The following DOCK3 variants were observed in gnomAD, a reference collection of about 807,000 sequenced individuals.
DOCK3 encodes the protein dedicator of cytokinesis 3.
In DOCK3, 60 loss-of-function variants were observed where a neutral mutation model predicts 265.6. The ratio of observed to expected loss-of-function variants is 0.23; its 90% CI spans 0.18 to 0.28. The LOEUF is 0.28. Ranked by LOEUF, DOCK3 falls within the 10% of genes least tolerant of loss-of-function variation. The pLI is 1.00. For missense variants in DOCK3, 1,981 were observed against 2,594.3 expected (o/e 0.76, Z 5.14); for synonymous variants, 881 against 938.0 (o/e 0.94, Z 1.11).
intron 3 of DOCK3, among the ~76,000 whole-genome samples, chr3:50,873,872 C>G (rs574866225): frequency 6.6e-6 from 1 of 152,180 alleles, no homozygotes; most frequent in African/African-American, 2.4e-5. Flanking sequence ...GTTTCTCCCC[C>G]AGCATACAGA....
chr3:51,368,097 G>A (rs2087381106), intron 49 of DOCK3, among the ~76,000 whole-genome samples: 1 of 152,112 alleles, frequency 6.6e-6, no homozygotes, highest in South Asian at 2.1e-4. Context: ...TTCCAATTTG[G>A]TTCCATTCTC....
At chr3:51,021,118 ATTTGT>A (rs1395136596) in intron 5 of DOCK3, among the ~76,000 whole-genome samples, 1 of 151,846 alleles carries the variant, frequency 6.6e-6, no homozygotes, top group East Asian at 1.9e-4. Flanking sequence ...ATATTTTTCC[ATTTGT>A]TTTGTCCTCT....
At chr3:51,142,887 A>C (rs1241018982) in intron 9 of DOCK3, among the ~76,000 whole-genome samples, 3 of 151,648 alleles carry the variant, frequency 2.0e-5, no homozygotes, top group Non-Finnish European at 4.4e-5. Flanking sequence ...TGGTATATTC[A>C]TTCTTCTTTT....
At chr3:50,980,674 G>C (rs1414285819) in intron 5 of DOCK3, among the ~76,000 whole-genome samples, 1 of 151,818 alleles carries the variant, frequency 6.6e-6, no homozygotes, top group Non-Finnish European at 1.5e-5. Flanking sequence ...TTGTCTTTCT[G>C]GTTCAATCTT....
intron 9 of DOCK3, among the ~76,000 whole-genome samples, chr3:51,125,543 CATATT>C (rs1488104401): frequency 2.6e-5 from 4 of 152,092 alleles, no homozygotes; most frequent in Non-Finnish European, 5.9e-5. Context: ...CATGTAATAT[CATATT>C]AAACAAGCAA....
chr3:51,352,653 T>G (rs145489916), intron 40 of DOCK3, among the ~76,000 whole-genome samples: 1 of 152,238 alleles, frequency 6.6e-6, no homozygotes, highest in Non-Finnish European at 1.5e-5. Context: ...GTATAATTCA[T>G]GCATACAAAT....
chr3:50,973,093 TTTGCAGACTTAAATTTC>T, intron 5 of DOCK3, among the ~76,000 whole-genome samples: 1 of 143,120 alleles, frequency 7.0e-6, no homozygotes. Context: ...ACCTTTTATT[TTTGCAGACTTAAATTTC>T]TTTTTTTTTT....
At chr3:51,329,553 G>A (rs532154547) in intron 32 of DOCK3, among the ~76,000 whole-genome samples, 10 of 152,292 alleles carry the variant, frequency 6.6e-5, no homozygotes, top group African/African-American at 1.9e-4. Flanking sequence ...GCAGGGGCCC[G>A]GTGATGGCCC....
intron 27 of DOCK3, among the ~76,000 whole-genome samples, chr3:51,309,607 G>A (rs1455055036): frequency 3.8e-5 from 5 of 132,426 alleles, no homozygotes; most frequent in African/African-American, 9.0e-5. Flanking sequence ...TGGGGAGAGG[G>A]AGAGGGAGAG....
chr3:50,835,712 C>T (rs1471152883), intron 2 of DOCK3, among the ~76,000 whole-genome samples: 1 of 152,162 alleles, frequency 6.6e-6, no homozygotes, highest in Non-Finnish European at 1.5e-5. Context: ...AACAGATTAA[C>T]AAAACCCAAA....
Position 51,275,137 on chromosome 3 carries a change from G to A in DOCK3, c.2607G>A (p.Gln869=). ...ATCACATTCACCTTCACCTGAGGCA[G>A]CAGAAAGAGCTGCTAATTTGCTCAG... ...VLHHIHLHLR[Q]QKELLICSGI... is the part of the protein sequence containing the mutation. Residue 869 remains glutamine, a synonymous_variant, in exon 25 of 53, where the codon CAG becomes CAA. Transcript: ENST00000266037. The A allele has an allele frequency of 1.2e-6, 2 of 1,613,984 alleles. No individual in the cohort carries two copies. Among genetic ancestry groups the A allele is most frequent in the South Asian group, 2.2e-5 (2 of 91,086 alleles).
intron 2 of DOCK3, among the ~76,000 whole-genome samples, chr3:50,814,932 C>A (rs1408171362): frequency 6.6e-6 from 1 of 152,012 alleles, no homozygotes; most frequent in African/African-American, 2.4e-5. Flanking sequence ...TCAAGCAATT[C>A]CCCTGCCTCA....
intron 12 of DOCK3, among the ~76,000 whole-genome samples, chr3:51,174,909 C>A (rs1016879213): frequency 1.3e-5 from 2 of 152,174 alleles, no homozygotes; most frequent in African/African-American, 4.8e-5. Flanking sequence ...GAGTGTGGAT[C>A]CTGTCAGGTC....
At chr3:50,798,600 A>C (rs747631787) in intron 2 of DOCK3, among the ~76,000 whole-genome samples, 1 of 150,982 alleles carries the variant, frequency 6.6e-6, no homozygotes, top group Non-Finnish European at 1.5e-5. Flanking sequence ...TTTGCTTTTG[A>C]GATGTTTGAG....
chr3:50,921,094 T>TTGCACTG (rs1165111946), intron 4 of DOCK3, among the ~76,000 whole-genome samples: 1 of 152,250 alleles, frequency 6.6e-6, no homozygotes, highest in Non-Finnish European at 1.5e-5. Flanking sequence ...TCTAGTTTGA[T>TTGCACTG]TGCACTGTGG....
chr3:51,048,262 C>T (rs1465616447), intron 5 of DOCK3, among the ~76,000 whole-genome samples: 3 of 152,002 alleles, frequency 2.0e-5, no homozygotes, highest in African/African-American at 7.2e-5. Context: ...GTATGACAGC[C>T]TCACAGCTTA....
intron 5 of DOCK3, among the ~76,000 whole-genome samples, chr3:51,009,201 C>T (rs778350981): frequency 3.3e-5 from 5 of 152,160 alleles, no homozygotes; most frequent in African/African-American, 9.7e-5. Flanking sequence ...GGTACCCACT[C>T]GTCTTTGTAC....
intron 5 of DOCK3, among the ~76,000 whole-genome samples, chr3:51,051,514 G>T (rs1361601036): frequency 6.6e-6 from 1 of 152,172 alleles, no homozygotes; most frequent in Non-Finnish European, 1.5e-5. Flanking sequence ...ATAATCCTTG[G>T]TAGTTGACCA....
At chr3:51,158,704 T>C (rs926709317) in intron 10 of DOCK3, among the ~76,000 whole-genome samples, 1 of 152,210 alleles carries the variant, frequency 6.6e-6, no homozygotes, top group Non-Finnish European at 1.5e-5. Flanking sequence ...ATGATAAATA[T>C]CAGAATTTAG....
Sources: allele counts gnomAD v4.1 joint callset (sites outside exome capture counted in the v4.1 genomes callset), GRCh38; gene constraint gnomAD v4.1.1; transcripts MANE v1.5; gene names NCBI Gene and HGNC (gene_info 2026-07-23, HGNC 2026-07-21).